The following MDN1 variants were observed in gnomAD, a reference collection of about 807,000 sequenced individuals.
MDN1 encodes the protein midasin AAA ATPase 1, also known as midasin.
A neutral mutation model predicts 669.2 loss-of-function variants in MDN1; 266 were observed. That is an observed-to-expected ratio of 0.40 (90% CI 0.36 to 0.44). MDN1 has a LOEUF of 0.44. Among genes scored for constraint, MDN1 ranks in the 20% least tolerant of loss-of-function variants. The probability of loss-of-function intolerance (pLI) is 1.00; values close to 1 mark genes in which losing one functional copy is unlikely to be tolerated. For missense variants in MDN1, 5,940 were observed against 6,754.0 expected, an observed-to-expected ratio of 0.88 and a Z score of 4.22; for synonymous variants, 2,385 against 2,457.1, an observed-to-expected ratio of 0.97 and a Z score of 0.87.
chr6:89,725,740 CT>C (rs11371433), intron 37 of MDN1, among the ~76,000 whole-genome samples: 69 of 137,218 alleles, frequency 5.0e-4, no homozygotes, highest in Non-Finnish European at 5.0e-4. Flanking sequence ...CCAGCTAATT[CT>C]TTTTTTTTTT....
chr6:89,794,950 G>A (rs1819499813), intron 2 of MDN1, 149 bp from the exon 3 acceptor site: 1 of 698,022 alleles, frequency 1.4e-6, no homozygotes, highest in Admixed American at 2.8e-5. Context: ...TGATTGGTGG[G>A]AATATCATAG....
intron 53 of MDN1, among the ~76,000 whole-genome samples, chr6:89,703,740 C>T (rs1813328546): frequency 1.3e-5 from 2 of 152,082 alleles, no homozygotes; most frequent in South Asian, 2.1e-4. Context: ...AGGCCAGGTG[C>T]GGTGGTTCAT....
At chr6:89,684,798 A>G (rs1811895049) in intron 71 of MDN1, 78 bp downstream of exon 71, 1 of 897,700 alleles carries the variant, frequency 1.1e-6, no homozygotes, top group East Asian at 2.5e-5. Flanking sequence ...CTCAGTGTTA[A>G]ATGGATAACA....
chr6:89,751,544 A>G lies in MDN1; in HGVS notation c.3114T>C (p.Val1038=). 6.2e-7 allele frequency: 1 copy of G among 1,614,172 alleles called. No individual in the cohort carries two copies. Among genetic ancestry groups the G allele is most frequent in the Non-Finnish European group, 8.5e-7 (1 of 1,180,020 alleles). Residue 1038 remains valine (V), a synonymous_variant, in exon 23 of 102, where the codon GTT becomes GTC. Transcript: ENST00000369393. ...CTCCCACCGCAATCCAGTAGCCTTC[A>G]ACCTGGATAAGCCGACCTCCTTTTG... The part of the protein sequence containing the change: ...PEPKGGRLIQ[V]EGYWIAVGDK...
intron 8 of MDN1, among the ~76,000 whole-genome samples, chr6:89,786,796 G>A (rs185465418): frequency 8.6e-5 from 13 of 151,658 alleles, no homozygotes; most frequent in African/African-American, 3.1e-4. Flanking sequence ...GTGGTGGCAG[G>A]TGCCTGTAAT....
Position 89,685,424 on chromosome 6 carries a change from G to A in MDN1, c.11719+403C>T, listed in dbSNP as rs554103091. Among the ~76,000 whole-genome samples the A allele has an allele frequency of 8.5e-4, 129 of 152,228 alleles. 1 individual carries two copies. The highest frequency in any genetic ancestry group is 2.9e-3 in the South Asian group (14 of 4,818). ...ACTTTTATCCCAGTTGCTGTGATCA[G>A]GGATAGTACTTGACAGCGGGCAGTT... On this transcript the variant is annotated intron_variant, in intron 70 of 101. Coordinates refer to ENST00000369393, the MANE Select transcript of MDN1 (RefSeq NM_014611.3).
chr6:89,672,469 T>G, intron 81 of MDN1, 78 bp downstream of exon 81: 1 of 1,594,310 alleles, frequency 6.3e-7, no homozygotes, highest in Admixed American at 1.8e-5. Flanking sequence ...TCCTTAACTA[T>G]TTAGCCACAG....
At chr6:89,652,938 A>G (rs1808984667) in intron 94 of MDN1, 54 bp downstream of exon 94, 2 of 1,532,968 alleles carry the variant, frequency 1.3e-6, no homozygotes. Flanking sequence ...TTAAAATTTT[A>G]TTTTGTTAAT....
At chr6:89,782,612 AT>A (rs1562213966) in intron 9 of MDN1, among the ~76,000 whole-genome samples, 5 of 99,026 alleles carry the variant, frequency 5.0e-5, no homozygotes, top group African/African-American at 1.9e-4. Context: ...AAAAATAATA[AT>A]AATAATAATA....
intron 13 of MDN1, among the ~76,000 whole-genome samples, chr6:89,773,261 G>A (rs1475030216): frequency 6.6e-6 from 1 of 152,134 alleles, no homozygotes; most frequent in Non-Finnish European, 1.5e-5. Context: ...CACACACAAG[G>A]CAGAGCATGG....
chr6:89,718,426 C>T lies in MDN1; in HGVS notation c.6523G>A (p.Glu2175Lys). 1 of 1,614,096 alleles carries T rather than the reference C, an allele frequency of 6.2e-7. No homozygotes were observed. ...CGCTGCATAAGCAATAACACTGCTT[C>T]TAGTTTGTTGACAATCTCCATCGTG... ...AITMEIVNKL[E>K]AVLLLMQRLN... is the part of the protein sequence containing the mutation. Residue 2175 changes from glutamate (E) to lysine (K), a missense_variant, in exon 43 of 102, where the codon GAA becomes AAA. Coordinates refer to ENST00000369393, the MANE Select transcript of MDN1 (RefSeq NM_014611.3).
intron 15 of MDN1, among the ~76,000 whole-genome samples, chr6:89,769,771 C>T (rs568110777): frequency 1.3e-5 from 2 of 152,300 alleles, no homozygotes; most frequent in South Asian, 2.1e-4. Flanking sequence ...CACAAATGTA[C>T]TCCTGTTTAC....
At chr6:89,705,316 T>A (rs183731423) in intron 53 of MDN1, among the ~76,000 whole-genome samples, 1 of 152,232 alleles carries the variant, frequency 6.6e-6, no homozygotes, top group East Asian at 1.9e-4. Context: ...CTGACAGATA[T>A]AACATCGTTG....
chr6:89,677,523 T>C, intron 76 of MDN1, 47 bp downstream of exon 76: 1 of 1,608,008 alleles, frequency 6.2e-7, no homozygotes. Flanking sequence ...TCTAAATTAC[T>C]TGCTCCATTT....
intron 2 of MDN1, among the ~76,000 whole-genome samples, chr6:89,796,342 A>C (rs1374702984): frequency 2.2e-3 from 189 of 87,010 alleles, no homozygotes; most frequent in Non-Finnish European, 3.7e-3. Flanking sequence ...AAAAAAAAAA[A>C]AAAAAAAACA....
rs1813187153 is a variant in MDN1 at position 89,701,926 on chromosome 6, G to A, written c.8284C>T (p.Leu2762Phe). ...LKHLVHQIPR[L>F]LMNYEDKYYK... ...TACTTGTCTTCATAATTCATCAGAA[G>A]TCGGGGGATCTGGTGGACCAGATGT... Residue 2762 changes from leucine (L) to phenylalanine (F), a missense_variant, in exon 54 of 102, where the codon CTT (leucine) becomes TTT (phenylalanine). Physicochemically the swap from Leu to Phe is conservative, Grantham distance 22. Around this residue, in one of 5 missense-constraint regions of MDN1, gnomAD observed 2,292 missense variants for 2,638.3 expected, o/e 0.87. Coordinates refer to ENST00000369393, the MANE Select transcript of MDN1 (RefSeq NM_014611.3). 1 of 1,613,376 alleles carries A rather than the reference G, an allele frequency of 6.2e-7. No individual in the cohort carries two copies. Among genetic ancestry groups the A allele is most frequent in the East Asian group, 2.2e-5 (1 of 44,874 alleles).
Position 89,667,506 on chromosome 6 carries a change from C to T in MDN1, c.14094+508G>A, listed in dbSNP as rs558235076. 9.2e-5 allele frequency among the ~76,000 whole-genome samples: 14 copies of T among 152,264 alleles called. No individual in the cohort carries two copies. The South Asian group carries it at 2.9e-3, about 32-fold the overall frequency. ...ATAAATCACTCACAAATGAGACAGG[C>T]ATTTAAAAAATCCAAGCAATGTAAC... On this transcript the variant is annotated intron_variant, in intron 84 of 101. Coordinates refer to ENST00000369393, the MANE Select transcript of MDN1 (RefSeq NM_014611.3).
Position 89,683,391 on chromosome 6 carries a change from T to C in MDN1, c.11904-61A>G, listed in dbSNP as rs1238913098. On this transcript the variant is annotated intron_variant, in intron 72 of 101. Coordinates refer to ENST00000369393, the MANE Select transcript of MDN1 (RefSeq NM_014611.3). The stretch of plus-strand genomic sequence containing the variant: ...AACTGGATTAGCAAGTGAAGACATA[T>C]AAAAAATACATTATCATGCATCCAT... The C allele has an allele frequency of 2.9e-6, 4 of 1,389,452 alleles. No individual in the cohort carries two copies. The South Asian group carries it at 3.7e-5, about 13-fold the overall frequency. The allele number at this position is 1,389,452 out of a possible 1,614,324, so 86.1% of individuals were successfully genotyped here.
intron 36 of MDN1, 65 bp from the exon 37 acceptor site, chr6:89,728,020 C>G: frequency 6.6e-7 from 1 of 1,519,352 alleles, no homozygotes; most frequent in Non-Finnish European, 8.9e-7. Context: ...ATTCTAACAC[C>G]CTAAATCTGA....
Sources: allele counts gnomAD v4.1 joint callset (sites outside exome capture counted in the v4.1 genomes callset), GRCh38; gene constraint gnomAD v4.1.1; regional missense constraint gnomAD v4.1.1; transcripts MANE v1.5; gene names NCBI Gene and HGNC (gene_info 2026-07-23, HGNC 2026-07-21).